The following LGMN variants were observed in gnomAD, a reference collection of about 807,000 sequenced individuals.
The protein encoded by LGMN is asparaginyl endopeptidase.
LGMN carries 36 observed loss-of-function variants against 56.8 expected under a neutral mutation model. The ratio of observed to expected loss-of-function variants is 0.63; its 90% confidence interval spans 0.49 to 0.84. The LOEUF is 0.84. Among genes scored for constraint, LGMN ranks in the 40% least tolerant of loss-of-function variants. LGMN has a pLI of 0.00. For synonymous variants in LGMN, 199 were observed against 210.1 expected (o/e 0.95, Z 0.46); for missense variants, 446 against 556.1 (o/e 0.80, Z 1.99).
chr14:92,714,538 A>G lies in LGMN; in HGVS notation c.405-87T>C, dbSNP rs1210228705. 1.9e-6 allele frequency: 2 copies of G among 1,039,684 alleles called. No individual in the cohort carries two copies. The highest frequency in any genetic ancestry group is 3.0e-5 in the South Asian group (2 of 67,780). 64.4% of individuals were successfully genotyped at this position (1,039,684 alleles called of 1,614,324 possible). On this transcript the variant is annotated intron_variant, in intron 5 of 13. Coordinates refer to ENST00000334869, the MANE Select transcript of LGMN (RefSeq NM_005606.7). This position sits in a 1 kb window ranked among gnomAD's most constrained non-coding sequence, Gnocchi z 5.1. ...AAAAGCTGCCCTAATCAAAAAATTA[A>G]GAAGTTTGGGGAGTAGAGTTGCCCA...
intron 2 of LGMN, among the ~76,000 whole-genome samples, chr14:92,721,337 G>A (rs1484093629): frequency 6.6e-6 from 1 of 152,190 alleles, no homozygotes; most frequent in Non-Finnish European, 1.5e-5. Flanking sequence ...ACAGCTGCAG[G>A]CAGTGTCTAA....
chr14:92,734,752 G>A (rs1188426106), intron 1 of LGMN, among the ~76,000 whole-genome samples: 1 of 152,174 alleles, frequency 6.6e-6, no homozygotes, highest in South Asian at 2.1e-4. Flanking sequence ...ACAGCACCAA[G>A]CCTGTGCCTC....
At chr14:92,746,300 T>C (rs1415706741) in intron 1 of LGMN, among the ~76,000 whole-genome samples, 1 of 152,206 alleles carries the variant, frequency 6.6e-6, no homozygotes, top group East Asian at 1.9e-4. Flanking sequence ...CCTCAGTACA[T>C]GTGACAACTT....
chr14:92,738,613 A>T (rs1891408645), intron 1 of LGMN, among the ~76,000 whole-genome samples: 1 of 151,866 alleles, frequency 6.6e-6, no homozygotes, highest in Admixed American at 6.6e-5. Context: ...CTACTTGGTG[A>T]TGGTCCTGCT....
At chr14:92,739,916 A>G (rs978074526) in intron 1 of LGMN, among the ~76,000 whole-genome samples, 3 of 152,188 alleles carry the variant, frequency 2.0e-5, no homozygotes, top group African/African-American at 7.2e-5. Flanking sequence ...CAGGGAGAAG[A>G]CAACACAGAC....
At chr14:92,739,361 A>G (rs893706654) in intron 1 of LGMN, among the ~76,000 whole-genome samples, 2 of 152,106 alleles carry the variant, frequency 1.3e-5, no homozygotes, top group African/African-American at 2.4e-5. Context: ...GTGGCTCTCC[A>G]GGGTCCCCAT....
At chr14:92,709,615 G>T in intron 11 of LGMN, 57 bp downstream of exon 11, 3 of 1,443,858 alleles carry the variant, frequency 2.1e-6, no homozygotes, top group Non-Finnish European at 2.9e-6. Context: ...GCTCATGCAT[G>T]CTGCCCACCT....
At chr14:92,732,518 C>G in intron 2 of LGMN, 131 bp downstream of exon 2, 1 of 974,972 alleles carries the variant, frequency 1.0e-6, no homozygotes. Context: ...CGCTAACACA[C>G]CTATGTTACA....
At chr14:92,710,741 C>G (rs919158561) in intron 10 of LGMN, among the ~76,000 whole-genome samples, 3 of 152,200 alleles carry the variant, frequency 2.0e-5, no homozygotes, top group Non-Finnish European at 4.4e-5. Flanking sequence ...CAAGGCGGGG[C>G]CCCCACATGG....
chr14:92,716,337 C>T lies in LGMN; in HGVS notation c.319-116G>A, dbSNP rs560561588. 2.0e-5 allele frequency: 16 copies of T among 787,478 alleles called. No homozygotes were observed. In the African/African-American group the frequency reaches 2.7e-4, roughly 13 times the overall value. The allele number at this position is 787,478 out of a possible 1,614,324, so 48.8% of individuals were successfully genotyped here. A position where few individuals can be genotyped will look rare whatever the true frequency, so the allele number is the denominator to read the frequency against. On this transcript the variant is annotated intron_variant, in intron 4 of 13. Coordinates refer to ENST00000334869, the MANE Select transcript of LGMN (RefSeq NM_005606.7). ...GCACATTCCAAGGCTCATGGCTTAA[C>T]AGCAAACACTTTTGGTCGGGTGCCG...
chr14:92,724,650 A>G (rs921631108), intron 2 of LGMN, among the ~76,000 whole-genome samples: 10 of 152,230 alleles, frequency 6.6e-5, no homozygotes, highest in African/African-American at 2.4e-4. Flanking sequence ...TAAGAGGCGC[A>G]GAGCCCTCCG....
intron 2 of LGMN, among the ~76,000 whole-genome samples, chr14:92,722,807 A>G (rs1246734383): frequency 3.3e-5 from 5 of 152,338 alleles, no homozygotes; most frequent in Middle Eastern, 3.4e-3. Flanking sequence ...TTCACCTAAG[A>G]AGATATACAA....
chr14:92,723,979 G>A (rs574498278), intron 2 of LGMN, among the ~76,000 whole-genome samples: 8 of 152,254 alleles, frequency 5.3e-5, no homozygotes, highest in South Asian at 2.1e-4. Flanking sequence ...TGATCCATCC[G>A]CCTTGGCTTC....
intron 1 of LGMN, among the ~76,000 whole-genome samples, chr14:92,740,905 G>T (rs1891520577): frequency 1.3e-5 from 2 of 152,058 alleles, no homozygotes; most frequent in South Asian, 4.2e-4. Context: ...CTTCACTTGG[G>T]GCCGGGTGCA....
chr14:92,730,153 G>C (rs1890974990), intron 2 of LGMN, among the ~76,000 whole-genome samples: 1 of 152,156 alleles, frequency 6.6e-6, no homozygotes, highest in Non-Finnish European at 1.5e-5. Flanking sequence ...TTTCCAACTT[G>C]AGGTTAGAGG....
At chr14:92,704,572 G>C in intron 13 of LGMN, 68 bp downstream of exon 13, 1 of 1,356,400 alleles carries the variant, frequency 7.4e-7, no homozygotes, top group Non-Finnish European at 1.1e-6. Flanking sequence ...ACTTGCAGAA[G>C]AGGATGGCAG....
At chr14:92,705,701 C>T (rs950741130) in intron 12 of LGMN, among the ~76,000 whole-genome samples, 1 of 151,924 alleles carries the variant, frequency 6.6e-6, no homozygotes, top group African/African-American at 2.4e-5. Context: ...AATCTCGGCT[C>T]ATTGCAACCT....
chr14:92,716,829 C>T (rs1353592994), intron 4 of LGMN, among the ~76,000 whole-genome samples: 1 of 152,048 alleles, frequency 6.6e-6, no homozygotes, highest in Non-Finnish European at 1.5e-5. Context: ...TTAAAACAGA[C>T]TATGAAAACC....
chr14:92,728,494 A>C (rs1029301638), intron 2 of LGMN, among the ~76,000 whole-genome samples: 1 of 152,182 alleles, frequency 6.6e-6, no homozygotes, highest in South Asian at 2.1e-4. Context: ...AACATAGGAA[A>C]AGTACAGTAA....
Sources: allele counts gnomAD v4.1 joint callset (sites outside exome capture counted in the v4.1 genomes callset), GRCh38; gene constraint gnomAD v4.1.1; non-coding constraint Gnocchi (gnomAD v3.1); transcripts MANE v1.5; gene names NCBI Gene and HGNC (gene_info 2026-07-23, HGNC 2026-07-21).